AGTPBP1: variants seen among roughly 807,000 people sequenced by gnomAD.
The protein encoded by AGTPBP1 is ATP/GTP binding carboxypeptidase 1, also known as cytosolic carboxypeptidase 1.
A neutral mutation model predicts 143.9 loss-of-function variants in AGTPBP1; 70 were observed. The observed-to-expected ratio is 0.49, with a 90% CI of 0.40 to 0.59. AGTPBP1 has a LOEUF of 0.59. Among genes scored for constraint, AGTPBP1 ranks in the 20% least tolerant of loss-of-function variants. The probability of loss-of-function intolerance (pLI) is 0.00; values close to 1 mark genes in which losing one functional copy is unlikely to be tolerated. For missense variants in AGTPBP1, 1,229 were observed against 1,464.5 expected, an observed-to-expected ratio of 0.84 and a Z score of 2.62; for synonymous variants, 463 against 500.2, an observed-to-expected ratio of 0.93 and a Z score of 0.99.
At chr9:85,584,835 T>C (rs192004147) in intron 23 of AGTPBP1, among the ~76,000 whole-genome samples, 2 of 152,310 alleles carry the variant, frequency 1.3e-5, no homozygotes, top group African/African-American at 4.8e-5. Flanking sequence ...TTTTATACTT[T>C]ACCAAATATA....
At chr9:85,742,043 G>A (rs1824354385), upstream of AGTPBP1, 1 of 1,185,518 alleles carries the variant, frequency 8.4e-7, no homozygotes, top group Admixed American at 4.5e-5. Flanking sequence ...GTGGGGGCGG[G>A]GCGTGCGAGG....
chr9:85,717,556 G>A lies in AGTPBP1; in HGVS notation c.-33-4990C>T, dbSNP rs111882512. Among the ~76,000 whole-genome samples, 41 of 152,202 alleles carry A rather than the reference G, an allele frequency of 2.7e-4. 1 individual carries two copies. Among genetic ancestry groups the A allele is most frequent in the African/African-American group, 7.0e-4 (29 of 41,534 alleles). On this transcript the variant is annotated intron_variant, in intron 1 of 25. Transcript: ENST00000357081. ...CATTTTTGCTATGGTCTGAATGTTC[G>A]TGTGCCTCCCAAAATCCTTATGTTG... is the stretch of plus-strand genomic sequence containing the variant.
chr9:85,754,577 C>T, the AGTPBP1 span, among the ~76,000 whole-genome samples: 1 of 151,932 alleles, frequency 6.6e-6, no homozygotes, highest in African/African-American at 2.4e-5. Context: ...ATTTTAGTGC[C>T]ACCTTTTAAA....
At position 85,628,454 on chromosome 9, in the gene AGTPBP1, T is replaced by C. The variant is rs562555992; in HGVS notation, c.2015+4208A>G. ...GAGTCACCATCATACAATTATATGA[T>C]GATGAGAGACTAGCAAAGGTTTTAG... is the stretch of plus-strand genomic sequence containing the variant. On this transcript the variant is annotated intron_variant, in intron 14 of 25. Coordinates refer to ENST00000357081, the MANE Select transcript of AGTPBP1 (RefSeq NM_001330701.2). Among the ~76,000 whole-genome samples the C allele has an allele frequency of 3.9e-5, 6 of 152,340 alleles. No homozygotes were observed. The South Asian group carries it at 1.2e-3, about 32-fold the overall frequency.
chr9:85,798,057 A>ATT, the AGTPBP1 span, among the ~76,000 whole-genome samples: 6,989 of 135,550 alleles, frequency 0.052, 623 homozygotes, highest in African/African-American at 0.18. Context: ...CACATCGGCT[A>ATT]TTTTTTTTTT....
Position 85,547,147 on chromosome 9 carries a change from G to A in AGTPBP1, c.3643C>T (p.Leu1215Phe), listed in dbSNP as rs372287584. 1 of 1,612,782 alleles carries A rather than the reference G, an allele frequency of 6.2e-7. No individual in the cohort carries two copies. Among genetic ancestry groups the A allele is most frequent in the Non-Finnish European group, 8.5e-7 (1 of 1,179,544 alleles). Residue 1215 changes from leucine (L) to phenylalanine (F), a missense_variant, in exon 26 of 26, where the codon CTT (leucine) becomes TTT (phenylalanine). This residue lies in a region of AGTPBP1 where 486 missense variants were observed against 652.3 expected (regional missense o/e 0.75). Transcript: ENST00000357081. ...DYEPSAQEEVLSDSELSRTYL... is the reference protein window; with the variant it reads ...DYEPSAQEEVFSDSELSRTYL... Reference sequence around the variant, plus strand: ...GTTCTTGATAATTCAGAGTCAGAAAGTACTTCTTCTTGAGCAGAAGGTTCA... The same window carrying A: ...GTTCTTGATAATTCAGAGTCAGAAAATACTTCTTCTTGAGCAGAAGGTTCA...
intron 25 of AGTPBP1, among the ~76,000 whole-genome samples, chr9:85,571,580 T>C (rs1827464676): frequency 6.6e-6 from 1 of 152,226 alleles, no homozygotes; most frequent in African/African-American, 2.4e-5. Context: ...TTAAAATATT[T>C]ATTAATTACA....
intron 23 of AGTPBP1, among the ~76,000 whole-genome samples, chr9:85,583,131 G>A (rs1040142655): frequency 3.3e-5 from 5 of 152,022 alleles, no homozygotes; most frequent in Non-Finnish European, 7.4e-5. Flanking sequence ...TAGGGGTGTG[G>A]AGAACAAGGA....
intron 11 of AGTPBP1, among the ~76,000 whole-genome samples, chr9:85,652,528 A>ACACAC (rs1364082616): frequency 6.6e-6 from 1 of 152,048 alleles, no homozygotes; most frequent in Non-Finnish European, 1.5e-5. Context: ...GAAAAAAACA[A>ACACAC]CACACCACTC....
chr9:85,729,699 A>ATTAAAAATC (rs1838754718), intron 1 of AGTPBP1, among the ~76,000 whole-genome samples: 1 of 152,128 alleles, frequency 6.6e-6, no homozygotes, highest in African/African-American at 2.4e-5. Flanking sequence ...AAAAAAAAGA[A>ATTAAAAATC]TGACCCAATT....
chr9:85,765,065 G>C, the AGTPBP1 span: 1 of 558,596 alleles, frequency 1.8e-6, no homozygotes, highest in Non-Finnish European at 3.2e-6. Flanking sequence ...GAGTTCACCT[G>C]GCACTTATTT....
intron 8 of AGTPBP1, 32 bp downstream of exon 8, chr9:85,669,453 T>TAC: frequency 7.2e-7 from 1 of 1,390,356 alleles, no homozygotes; most frequent in Non-Finnish European, 1.0e-6. Context: ...ACAAAGGCTA[T>TAC]ACCTATGTTT....
chr9:85,707,356 A>G (rs1837078288), intron 2 of AGTPBP1, among the ~76,000 whole-genome samples: 1 of 152,210 alleles, frequency 6.6e-6, no homozygotes, highest in South Asian at 2.1e-4. Flanking sequence ...ATGAAACTCA[A>G]AAGTAAGCAC....
At chr9:85,567,281 G>A (rs932659529) in intron 25 of AGTPBP1, among the ~76,000 whole-genome samples, 6 of 152,202 alleles carry the variant, frequency 3.9e-5, no homozygotes, top group South Asian at 4.2e-4. Flanking sequence ...AAAGAATAAC[G>A]GCCATAGGAT....
the AGTPBP1 span, among the ~76,000 whole-genome samples, chr9:85,778,749 C>A: frequency 2.0e-5 from 3 of 152,210 alleles, no homozygotes; most frequent in African/African-American, 7.2e-5. Flanking sequence ...ACAGGCCCCA[C>A]ACCACTGGAC....
At chr9:85,602,809 AG>A (rs1829752933) in intron 17 of AGTPBP1, among the ~76,000 whole-genome samples, 1 of 152,238 alleles carries the variant, frequency 6.6e-6, no homozygotes, top group African/African-American at 2.4e-5. Context: ...CCCGCAGTCC[AG>A]CCCCAGTGGC....
intron 1 of AGTPBP1, among the ~76,000 whole-genome samples, chr9:85,730,992 T>C (rs1205896470): frequency 1.3e-5 from 2 of 152,214 alleles, no homozygotes; most frequent in Non-Finnish European, 2.9e-5. Flanking sequence ...TAAGGGAAAG[T>C]AGTTCTTTCT....
chr9:85,646,951 AC>A (rs200270485), intron 11 of AGTPBP1, among the ~76,000 whole-genome samples: 2,566 of 151,810 alleles, frequency 0.017, 35 homozygotes, highest in African/African-American at 0.037. Context: ...AAAAAAAATT[AC>A]ACACACACAC....
chr9:85,732,210 CTTTT>C (rs144655182), intron 1 of AGTPBP1, among the ~76,000 whole-genome samples: 3 of 120,982 alleles, frequency 2.5e-5, no homozygotes, highest in South Asian at 2.8e-4. Flanking sequence ...GACTATGACC[CTTTT>C]TTTTTTTTTT....
Sources: gnomAD v4.1 joint callset for allele counts (sites outside exome capture counted in the v4.1 genomes callset) on GRCh38, gnomAD v4.1.1 for gene constraint, gnomAD v4.1.1 regional missense constraint, MANE v1.5 for transcripts, NCBI Gene and HGNC (gene_info 2026-07-23, HGNC 2026-07-21) for gene names.